Variants in EPHA2 observed in about 807,000 individuals in gnomAD.
EPHA2 encodes ephrin type-A receptor 2.
EPHA2 carries 54 observed loss-of-function variants against 104.9 expected under a neutral mutation model. That is an observed-to-expected ratio of 0.51 (90% CI 0.41 to 0.65). EPHA2 has a LOEUF of 0.65. Ranked by LOEUF, EPHA2 falls within the 30% of genes least tolerant of loss-of-function variation. EPHA2 has a pLI of 0.00. For missense variants in EPHA2, 1,117 were observed against 1,369.5 expected, an observed-to-expected ratio of 0.82 and a Z score of 2.91; for synonymous variants, 560 against 559.1, an observed-to-expected ratio of 1.00 and a Z score of -0.02.
chr1:16,133,937 C>A, intron 8 of EPHA2, 22 bp from the exon 9 acceptor site: 1 of 1,550,486 alleles, frequency 6.4e-7, no homozygotes, highest in Non-Finnish European at 8.7e-7. Context: ...CCACGGGGAA[C>A]CAAATGCAGG....
At chr1:16,151,593 ATCT>A (rs1462453356) in intron 1 of EPHA2, among the ~76,000 whole-genome samples, 11 of 152,100 alleles carry the variant, frequency 7.2e-5, no homozygotes, top group Admixed American at 5.2e-4. Context: ...CTGGAAACCG[ATCT>A]TCTCACCACA....
At chr1:16,132,330 C>G (rs554687807) in intron 12 of EPHA2, 48 bp downstream of exon 12, 2 of 1,613,986 alleles carry the variant, frequency 1.2e-6, no homozygotes, top group African/African-American at 1.3e-5. Flanking sequence ...AGGCCAGCCC[C>G]GGGCTCAATG....
rs543967642 is a variant in EPHA2 at position 16,131,902 on chromosome 1, G to A, written c.2326-32C>T. The stretch of plus-strand genomic sequence containing the variant: ...GGAACCCAGGCCCAGTCACCACTGT[G>A]CCCTCTGGCTGGCCCCAGGACCATT... On this transcript the variant is annotated intron_variant, in intron 13 of 16. Coordinates refer to ENST00000358432, the MANE Select transcript of EPHA2 (RefSeq NM_004431.5). The surrounding 1 kb of genome is among the most constrained non-coding windows in gnomAD (Gnocchi z 5.2). The A allele has an allele frequency of 6.2e-7, 1 of 1,610,540 alleles. No homozygotes were observed. The highest frequency in any genetic ancestry group is 2.2e-5 in the East Asian group (1 of 44,736).
rs55636306 is a variant in EPHA2 at position 16,135,368 on chromosome 1, C to G, written c.1429-179G>C. Among the ~76,000 whole-genome samples the G allele has an allele frequency of 6.6e-6, 1 of 152,192 alleles. No homozygotes were observed. The highest frequency in any genetic ancestry group is 2.4e-5 in the African/African-American group (1 of 41,446). ...TTAAGTGACTCACTCAAGGTCAGAA[C>G]CACTAAATGCATGAGCCAGGACTCA... On this transcript the variant is annotated intron_variant, in intron 6 of 16. Coordinates refer to ENST00000358432, the MANE Select transcript of EPHA2 (RefSeq NM_004431.5). The surrounding 1 kb of genome is among the most constrained non-coding windows in gnomAD (Gnocchi z 4.3).
chr1:16,144,852 A>T (rs1241120928), intron 3 of EPHA2, among the ~76,000 whole-genome samples: 28 of 152,180 alleles, frequency 1.8e-4, no homozygotes, highest in Admixed American at 1.8e-3. Context: ...CAGTTTCCTC[A>T]TCTGTAAAAT....
chr1:16,154,472 G>C lies in EPHA2; in HGVS notation c.85+1376C>G, dbSNP rs1463721692. 2.6e-5 allele frequency among the ~76,000 whole-genome samples: 4 copies of C among 152,148 alleles called. No individual in the cohort carries two copies. In the South Asian group the frequency reaches 6.2e-4, roughly 24 times the overall value. ...TGGGAGGCAGAAAAAGAAGGAAACA[G>C]GCCGGGGGTGGTGGCTCATGCCTGT... On this transcript the variant is annotated intron_variant, in intron 1 of 16. Transcript: ENST00000358432.
chr1:16,133,726 AC>A, intron 9 of EPHA2, 120 bp from the exon 10 acceptor site: 1 of 1,513,568 alleles, frequency 6.6e-7, no homozygotes, highest in African/African-American at 1.4e-5. Context: ...TGGGGGACGG[AC>A]CCCTCAGAGC....
In EPHA2 at chr1:16,135,551, G is replaced by T; in HGVS notation, c.1428+104C>A. 1 of 1,121,350 alleles carries T rather than the reference G, an allele frequency of 8.9e-7. No homozygotes were observed. The highest frequency in any genetic ancestry group is 1.4e-6 in the Non-Finnish European group (1 of 736,448). 69.5% of individuals were successfully genotyped at this position (1,121,350 alleles called of 1,614,324 possible). On this transcript the variant is annotated intron_variant, in intron 6 of 16. Coordinates refer to ENST00000358432, the MANE Select transcript of EPHA2 (RefSeq NM_004431.5). The surrounding 1 kb of genome is among the most constrained non-coding windows in gnomAD (Gnocchi z 4.3). ...GGCCTCAGTTTCCCCATCTGCAGAA[G>T]GGTGCTTCTTCAGATGGCTGGGTGG...
chr1:16,135,060 T>C lies in EPHA2; in HGVS notation c.1558A>G (p.Lys520Glu). The C allele has an allele frequency of 6.2e-7, 1 of 1,613,410 alleles. No homozygotes were observed. Among genetic ancestry groups the C allele is most frequent in the South Asian group, 1.1e-5 (1 of 91,086 alleles). The stretch of plus-strand genomic sequence containing the variant: ...CACAGCGTCTGGAATTCGTGCACCT[T>C]GCTGCCGGCCCCCTGGCCCTCCTGC... ...LTQEGQGAGS[K>E]VHEFQTLSPE... Residue 520 changes from lysine (K) to glutamate (E), a missense_variant, in exon 7 of 17, where the codon AAG becomes GAG. By Grantham distance (56) the Lys-to-Glu change is moderately conservative. Transcript: ENST00000358432. This position sits in a 1 kb window ranked among gnomAD's most constrained non-coding sequence, Gnocchi z 4.3.
chr1:16,136,773 G>C (rs111585167), intron 5 of EPHA2, among the ~76,000 whole-genome samples: 1,670 of 146,570 alleles, frequency 0.011, 50 homozygotes, highest in African/African-American at 0.039. Flanking sequence ...AGAAGAAGAA[G>C]AACTAACTTT....
At chr1:16,155,494 C>T (rs2025140699) in intron 1 of EPHA2, 1 of 246,684 alleles carries the variant, frequency 4.1e-6, no homozygotes, top group Non-Finnish European at 7.7e-6. Context: ...GAAGCTGAGC[C>T]CGCGGAAAGC....
rs982278020 is a variant in EPHA2, at chr1:16,128,105, G to C, written c.2825+1329C>G. Among the ~76,000 whole-genome samples the C allele has an allele frequency of 6.6e-6, 1 of 152,200 alleles. No individual in the cohort carries two copies. Among genetic ancestry groups the C allele is most frequent in the Non-Finnish European group, 1.5e-5 (1 of 68,046 alleles). ...AGGAAAGCAAGGGAGTGGAGGAAAAGAGGAGAGCAATGAGGATTTAGCACC... is the reference window on the plus strand; with the variant it reads ...AGGAAAGCAAGGGAGTGGAGGAAAACAGGAGAGCAATGAGGATTTAGCACC... On this transcript the variant is annotated intron_variant, in intron 16 of 16. Transcript: ENST00000358432. The surrounding 1 kb of genome is among the most constrained non-coding windows in gnomAD (Gnocchi z 4.7).
At chr1:16,127,343 G>T (rs564429959) in intron 16 of EPHA2, among the ~76,000 whole-genome samples, 34 of 152,294 alleles carry the variant, frequency 2.2e-4, no homozygotes, top group South Asian at 1.9e-3. Context: ...TTTTTCTGGG[G>T]TGCAACATCC....
intron 3 of EPHA2, among the ~76,000 whole-genome samples, chr1:16,144,172 C>T (rs992067195): frequency 9.9e-5 from 15 of 152,150 alleles, no homozygotes; most frequent in South Asian, 2.1e-4. Context: ...AGCCGGTGCC[C>T]GCCCAGCGGA....
intron 1 of EPHA2, among the ~76,000 whole-genome samples, chr1:16,152,268 G>C (rs759166187): frequency 6.6e-6 from 1 of 152,222 alleles, no homozygotes; most frequent in Non-Finnish European, 1.5e-5. Flanking sequence ...GGATGGCCTG[G>C]TTTGTGGAGA....
Position 16,125,013 on chromosome 1 carries a change from G to C in EPHA2, c.*202C>G, listed in dbSNP as rs1264239568. 1 of 615,618 alleles carries C rather than the reference G, an allele frequency of 1.6e-6. No homozygotes were observed. The highest frequency in any genetic ancestry group is 3.0e-6 in the Non-Finnish European group (1 of 338,304). 38.1% of individuals were successfully genotyped at this position (615,618 alleles called of 1,614,324 possible). A position where few individuals can be genotyped will look rare whatever the true frequency, so the allele number is the denominator to read the frequency against. On this transcript the variant is annotated 3_prime_UTR_variant, in exon 17 of 17. Transcript: ENST00000358432. The surrounding 1 kb of genome is among the most constrained non-coding windows in gnomAD (Gnocchi z 4.9). ...GTGCTCAGCTGTGTGCGTCTCGCAG[G>C]GAAAGAGGGCCCAGCCCAGCATCCC...
At chr1:16,151,532 G>A (rs1156272148) in intron 1 of EPHA2, among the ~76,000 whole-genome samples, 1 of 152,172 alleles carries the variant, frequency 6.6e-6, no homozygotes, top group African/African-American at 2.4e-5. Flanking sequence ...CAAGAAGAGA[G>A]TGCTGTGAAC....
intron 3 of EPHA2, among the ~76,000 whole-genome samples, chr1:16,139,282 G>T (rs2024778994): frequency 6.6e-6 from 1 of 152,210 alleles, no homozygotes; most frequent in South Asian, 2.1e-4. Flanking sequence ...CACGGTGCAG[G>T]GCTGTCCAGG....
chr1:16,133,443 T>G, intron 10 of EPHA2, 38 bp downstream of exon 10: 1 of 1,614,058 alleles, frequency 6.2e-7, no homozygotes, highest in Non-Finnish European at 8.5e-7. Context: ...TCACCACCGC[T>G]GCCTCCTCAG....
Sources: gnomAD v4.1 joint callset for allele counts (sites outside exome capture counted in the v4.1 genomes callset) on GRCh38, gnomAD v4.1.1 for gene constraint, Gnocchi (gnomAD v3.1) non-coding constraint, MANE v1.5 for transcripts, NCBI Gene and HGNC (gene_info 2026-07-23, HGNC 2026-07-21) for gene names.